Variants in DTWD2 observed in about 807,000 individuals in gnomAD.
The protein encoded by DTWD2 is DTW motif tRNA-uridine aminocarboxypropyltransferase 2, also known as tRNA-uridine aminocarboxypropyltransferase 2.
In DTWD2, 39 loss-of-function variants were observed where a neutral mutation model predicts 31.8. That is an observed-to-expected ratio of 1.22 (90% confidence interval 0.95 to 1.60). The LOEUF (loss-of-function observed/expected upper bound fraction) is 1.60. Among genes scored for constraint, DTWD2 ranks in the 40% most tolerant of loss-of-function variants. The pLI, the probability that DTWD2 is intolerant of heterozygous loss-of-function variation, is 0.00. For missense variants in DTWD2, 515 were observed against 381.5 expected (o/e 1.35, Z -2.92); for synonymous variants, 180 against 142.8 (o/e 1.26, Z -1.86).
chr5:118,973,755 T>G, intron 1 of DTWD2: 1 of 1,609,008 alleles, frequency 6.2e-7, no homozygotes, highest in Non-Finnish European at 8.5e-7. Flanking sequence ...ACTCTCGCTT[T>G]CTTTTTAATC....
chr5:118,978,725 G>C (rs933846729), intron 1 of DTWD2, among the ~76,000 whole-genome samples: 1 of 152,160 alleles, frequency 6.6e-6, no homozygotes, highest in African/African-American at 2.4e-5. Context: ...TCAACAAATG[G>C]CCAGGCACGG....
intron 4 of DTWD2, among the ~76,000 whole-genome samples, chr5:118,926,117 G>A (rs916028943): frequency 9.9e-5 from 15 of 152,176 alleles, no homozygotes; most frequent in African/African-American, 3.4e-4. Flanking sequence ...ATAGCAGCAC[G>A]ATTCACAACT....
chr5:118,876,992 A>G (rs1253219234), intron 4 of DTWD2, among the ~76,000 whole-genome samples: 2 of 152,348 alleles, frequency 1.3e-5, no homozygotes, highest in East Asian at 3.9e-4. Flanking sequence ...AATACTGGAA[A>G]ACCAAATTCA....
intron 1 of DTWD2, among the ~76,000 whole-genome samples, chr5:118,968,030 T>C (rs1016334459): frequency 4.3e-4 from 66 of 152,284 alleles, no homozygotes; most frequent in African/African-American, 1.5e-3. Flanking sequence ...ATCATGTACC[T>C]CTGATATATT....
chr5:118,869,716 G>T (rs1315830938), intron 4 of DTWD2, among the ~76,000 whole-genome samples: 5 of 152,108 alleles, frequency 3.3e-5, no homozygotes, highest in Non-Finnish European at 7.3e-5. Context: ...TGTTAACATA[G>T]CCTTTGTTAT....
At chr5:118,961,635 C>T (rs1465739812) in intron 1 of DTWD2, among the ~76,000 whole-genome samples, 1 of 152,150 alleles carries the variant, frequency 6.6e-6, no homozygotes, top group Non-Finnish European at 1.5e-5. Flanking sequence ...CATGAACATC[C>T]ATCCTTATAA....
chr5:118,934,208 G>A (rs1009643997), intron 3 of DTWD2, among the ~76,000 whole-genome samples: 1 of 139,814 alleles, frequency 7.2e-6, no homozygotes. Context: ...GCCAAAGCAG[G>A]TGGATCCCTT....
At chr5:118,942,829 G>A (rs1048732926) in intron 2 of DTWD2, among the ~76,000 whole-genome samples, 8 of 151,708 alleles carry the variant, frequency 5.3e-5, no homozygotes, top group Admixed American at 2.0e-4. Flanking sequence ...TTAAGATAGG[G>A]TCTTGCTGTA....
chr5:118,913,020 G>C (rs564132194), intron 4 of DTWD2, among the ~76,000 whole-genome samples: 3 of 152,144 alleles, frequency 2.0e-5, no homozygotes, highest in Non-Finnish European at 4.4e-5. Context: ...GGCTCATTAC[G>C]AAGTGGAAGA....
In DTWD2 at chr5:118,988,319, G is replaced by A. The variant is rs775652167; in HGVS notation, c.193C>T (p.Arg65Trp). Residue 65 changes from arginine to tryptophan, a missense_variant, in exon 1 of 6, where the codon CGG becomes TGG. Coordinates refer to ENST00000510708, the MANE Select transcript of DTWD2 (RefSeq NM_173666.4). Reference sequence around the variant, plus strand: ...CTGCAGCGGGTGCACTCAGGCCTCCGCTCGGCCGGCTCCACCGGCAGCTCC... The same window carrying A: ...CTGCAGCGGGTGCACTCAGGCCTCCACTCGGCCGGCTCCACCGGCAGCTCC... ...LWELPVEPAERRPECTRCSRP... is the reference protein window; with the variant it reads ...LWELPVEPAEWRPECTRCSRP... The A allele has an allele frequency of 7.8e-6, 12 of 1,531,868 alleles. No individual in the cohort carries two copies. The South Asian group carries it at 9.7e-5, about 12-fold the overall frequency. The allele number at this position is 1,531,868 out of a possible 1,614,324, so 94.9% of individuals were successfully genotyped here. A position where few individuals can be genotyped will look rare whatever the true frequency, so the allele number is the denominator to read the frequency against.
chr5:118,983,282 C>T (rs977129544), intron 1 of DTWD2, among the ~76,000 whole-genome samples: 1 of 152,160 alleles, frequency 6.6e-6, no homozygotes, highest in Admixed American at 6.6e-5. Flanking sequence ...TGAGCTTAAC[C>T]AACTGCTGCT....
chr5:118,871,987 T>C (rs375394838), intron 4 of DTWD2, among the ~76,000 whole-genome samples: 2 of 152,228 alleles, frequency 1.3e-5, no homozygotes, highest in African/African-American at 4.8e-5. Context: ...GATAGCTTGA[T>C]GCAACTTCTA....
At chr5:118,979,984 T>C (rs1755263320) in intron 1 of DTWD2, among the ~76,000 whole-genome samples, 1 of 152,244 alleles carries the variant, frequency 6.6e-6, no homozygotes, top group Non-Finnish European at 1.5e-5. Flanking sequence ...ATCCTGCACA[T>C]GTACCCTGGA....
In DTWD2 at chr5:118,836,115, T is replaced by C. The variant is rs1751555899; in HGVS notation, c.*4802A>G. ...TTTAATTCTTTAATATACTTCTAAG[T>C]AACAATAACAGTAAGACATATAGTA... On this transcript the variant is annotated 3_prime_UTR_variant, in exon 6 of 6. Coordinates refer to ENST00000510708, the MANE Select transcript of DTWD2 (RefSeq NM_173666.4). 1.3e-5 allele frequency among the ~76,000 whole-genome samples: 2 copies of C among 152,208 alleles called. No individual in the cohort carries two copies. The highest frequency in any genetic ancestry group is 4.1e-4 in the South Asian group (2 of 4,830).
At chr5:118,844,295 C>A (rs1280648980) in intron 5 of DTWD2, among the ~76,000 whole-genome samples, 1 of 152,162 alleles carries the variant, frequency 6.6e-6, no homozygotes, top group Non-Finnish European at 1.5e-5. Context: ...GGTTTTGCCA[C>A]ATCTATCTTT....
At chr5:118,928,830 C>T in intron 3 of DTWD2, 101 bp from the exon 4 acceptor site, 1 of 960,890 alleles carries the variant, frequency 1.0e-6, no homozygotes, top group Non-Finnish European at 1.5e-6. Context: ...TATATGTAGT[C>T]ATTTGTCTAA....
At chr5:118,841,797 T>C (rs935028515) in intron 5 of DTWD2, among the ~76,000 whole-genome samples, 3 of 152,044 alleles carry the variant, frequency 2.0e-5, no homozygotes, top group South Asian at 4.1e-4. Flanking sequence ...AACAACACTA[T>C]GCCAGTGTTT....
At chr5:118,953,207 G>A (rs1475904286) in intron 1 of DTWD2, among the ~76,000 whole-genome samples, 5 of 152,154 alleles carry the variant, frequency 3.3e-5, no homozygotes, top group Non-Finnish European at 5.9e-5. Context: ...AAGGAGTGAG[G>A]GGGTGAAGAA....
chr5:118,915,984 C>A (rs1753566783), intron 4 of DTWD2, among the ~76,000 whole-genome samples: 1 of 152,096 alleles, frequency 6.6e-6, no homozygotes. Context: ...GTTGGATAAA[C>A]AACAAAAGGG....
Sources: gnomAD v4.1 joint callset for allele counts (sites outside exome capture counted in the v4.1 genomes callset) on GRCh38, gnomAD v4.1.1 for gene constraint, MANE v1.5 for transcripts, NCBI Gene and HGNC (gene_info 2026-07-23, HGNC 2026-07-21) for gene names.